PISD: variants seen among roughly 807,000 people sequenced by gnomAD.
PISD encodes the protein phosphatidylserine decarboxylase.
In PISD, 31 loss-of-function variants were observed where a neutral mutation model predicts 43.5. The observed-to-expected ratio is 0.71, with a 90% CI of 0.54 to 0.96. PISD has a LOEUF of 0.96. Ranked by LOEUF, PISD falls within the 40% of genes least tolerant of loss-of-function variation. The pLI, the probability that PISD is intolerant of heterozygous loss-of-function variation, is 0.00. For synonymous variants in PISD, 259 were observed against 228.7 expected (o/e 1.13, Z -1.20); for missense variants, 523 against 548.4 (o/e 0.95, Z 0.46).
chr22:31,659,848 C>T (rs1981476479), intron 1 of PISD, among the ~76,000 whole-genome samples: 1 of 152,010 alleles, frequency 6.6e-6, no homozygotes, highest in Non-Finnish European at 1.5e-5. Context: ...TCCCAAAGTG[C>T]TGGGATTACA....
In PISD at chr22:31,642,781, C is replaced by T. The variant is rs529259767; in HGVS notation, c.321+5320G>A. 4.2e-5 allele frequency among the ~76,000 whole-genome samples: 5 copies of T among 119,924 alleles called. 1 individual carries two copies. Among genetic ancestry groups the T allele is most frequent in the South Asian group, 2.5e-4 (1 of 3,984 alleles). The allele number at this position is 119,924 out of a possible 152,430, so 78.7% of individuals were successfully genotyped here. A position where few individuals can be genotyped will look rare whatever the true frequency, so the allele number is the denominator to read the frequency against. ...CTGGACTCCAGCCTGGGAGACAGAG[C>T]GAGACTCAGTTTCAAAAAAAAAAAA... On this transcript the variant is annotated intron_variant, in intron 3 of 7. Transcript: ENST00000439502.
intron 3 of PISD, among the ~76,000 whole-genome samples, chr22:31,636,705 A>T (rs1226642511): frequency 1.3e-5 from 2 of 151,398 alleles, no homozygotes; most frequent in African/African-American, 4.9e-5. Flanking sequence ...ACGCCCGGCT[A>T]ATTTTTTGTA....
intron 2 of PISD, among the ~76,000 whole-genome samples, chr22:31,649,767 A>G (rs2073984694): frequency 6.6e-6 from 1 of 152,114 alleles, no homozygotes; most frequent in Non-Finnish European, 1.5e-5. Context: ...AATAAAATAA[A>G]ATGAGGTTGC....
chr22:31,660,103 A>G (rs1003264087), intron 1 of PISD, among the ~76,000 whole-genome samples: 2 of 152,302 alleles, frequency 1.3e-5, no homozygotes, highest in South Asian at 4.1e-4. Flanking sequence ...TTTCATTTAC[A>G]TGTCTCACAA....
intron 1 of PISD, among the ~76,000 whole-genome samples, chr22:31,657,696 T>C (rs532891684): frequency 1.2e-4 from 18 of 152,098 alleles, no homozygotes; most frequent in Admixed American, 7.9e-4. Context: ...CTAATTTTTT[T>C]TTGTAGTTTT....
intron 4 of PISD, 66 bp downstream of exon 4, chr22:31,621,582 AG>A: frequency 6.3e-7 from 1 of 1,596,280 alleles, no homozygotes; most frequent in Non-Finnish European, 8.6e-7. Context: ...GCTGGAGACC[AG>A]GGGGGCTGTG....
intron 3 of PISD, among the ~76,000 whole-genome samples, chr22:31,647,505 G>A (rs2073917892): frequency 6.6e-6 from 1 of 151,976 alleles, no homozygotes; most frequent in East Asian, 1.9e-4. Flanking sequence ...AATTATGGCT[G>A]CAAAAAAAAG....
At chr22:31,645,451 T>G (rs780294293) in intron 3 of PISD, among the ~76,000 whole-genome samples, 2 of 150,740 alleles carry the variant, frequency 1.3e-5, no homozygotes, top group South Asian at 4.2e-4. Flanking sequence ...ACACCTATAA[T>G]CCACACACTT....
At chr22:31,640,880 G>GTTTCTTTTTTTTTTTTT (rs2073689604) in intron 3 of PISD, among the ~76,000 whole-genome samples, 1 of 24,596 alleles carries the variant, frequency 4.1e-5, no homozygotes, top group East Asian at 1.5e-3. Flanking sequence ...CACACCCGGT[G>GTTTCTTTTTTTTTTTTT]TTTTTTTTTT....
At chr22:31,637,240 G>A (rs1195376048) in intron 3 of PISD, among the ~76,000 whole-genome samples, 1 of 133,274 alleles carries the variant, frequency 7.5e-6, no homozygotes, top group African/African-American at 2.8e-5. Flanking sequence ...GTGCACGCCA[G>A]TAATTCCAGC....
At chr22:31,621,178 CAGTG>C (rs753336294) in intron 5 of PISD, 36 bp from the exon 6 acceptor site, 64 of 1,613,710 alleles carry the variant, frequency 4.0e-5, no homozygotes, top group Non-Finnish European at 4.4e-5. Flanking sequence ...GCCACCAACA[CAGTG>C]AGCACCCAGC....
Position 31,618,520 on chromosome 22 carries a change from T to G in PISD, c.*1092A>C. The G allele has an allele frequency of 8.5e-7, 1 of 1,171,400 alleles. No homozygotes were observed. Among genetic ancestry groups the G allele is most frequent in the Non-Finnish European group, 1.1e-6 (1 of 878,544 alleles). The allele number at this position is 1,171,400 out of a possible 1,614,324, so 72.6% of individuals were successfully genotyped here. A position where few individuals can be genotyped will look rare whatever the true frequency, so the allele number is the denominator to read the frequency against. On this transcript the variant is annotated 3_prime_UTR_variant, in exon 8 of 8. Transcript: ENST00000439502. Reference sequence around the variant, plus strand: ...AAGTTTGATTTTTTTTATTTCAAAATGCTTTGCAATTAAATGAATTACTGT... The same window carrying G: ...AAGTTTGATTTTTTTTATTTCAAAAGGCTTTGCAATTAAATGAATTACTGT...
intron 3 of PISD, among the ~76,000 whole-genome samples, chr22:31,637,159 AAAAAAATATATATAT>A (rs1359050237): frequency 3.8e-3 from 105 of 27,680 alleles, no homozygotes; most frequent in Non-Finnish European, 5.1e-3. Context: ...AAAAAAAAAA[AAAAAAATATATATAT>A]ATATATATAT....
chr22:31,652,303 G>A (rs540237879), intron 1 of PISD, among the ~76,000 whole-genome samples: 83 of 151,884 alleles, frequency 5.5e-4, no homozygotes, highest in South Asian at 1.5e-3. Context: ...GACTAATTTC[G>A]TATTTTTAGT....
At chr22:31,662,319 CGGAGCCGACTAAGCT>C, upstream of PISD, 1 of 1,116,708 alleles carries the variant, frequency 9.0e-7, no homozygotes, top group African/African-American at 1.5e-5. Flanking sequence ...GGGTTGGGGG[CGGAGCCGACTAAGCT>C]CCGCCCTGTG....
At chr22:31,623,912 G>A in intron 3 of PISD, 4 of 1,464,956 alleles carry the variant, frequency 2.7e-6, no homozygotes, top group Non-Finnish European at 2.8e-6. Context: ...GACCCAGGAG[G>A]CTGCCACCTG....
At chr22:31,622,705 G>A (rs1569481755) in intron 3 of PISD, among the ~76,000 whole-genome samples, 1 of 152,304 alleles carries the variant, frequency 6.6e-6, no homozygotes, top group East Asian at 1.9e-4. Context: ...GGGAAGCCTG[G>A]AGCACCTAAG....
chr22:31,649,278 T>C (rs569508134), intron 2 of PISD, among the ~76,000 whole-genome samples: 17 of 152,184 alleles, frequency 1.1e-4, no homozygotes, highest in East Asian at 1.9e-4. Context: ...GAAAAATACA[T>C]TGGCCAATAA....
intron 1 of PISD, among the ~76,000 whole-genome samples, chr22:31,658,673 C>A (rs2074242241): frequency 6.6e-6 from 1 of 151,672 alleles, no homozygotes; most frequent in African/African-American, 2.4e-5. Context: ...CCTTAGCTTC[C>A]CAAGTAGCTG....
Sources: allele counts gnomAD v4.1 joint callset (sites outside exome capture counted in the v4.1 genomes callset), GRCh38; gene constraint gnomAD v4.1.1; transcripts MANE v1.5; gene names NCBI Gene and HGNC (gene_info 2026-07-23, HGNC 2026-07-21).